Variants in THSD4 observed in about 807,000 individuals in gnomAD.
THSD4 encodes the protein thrombospondin type-1 domain-containing protein 4.
THSD4 carries 69 observed loss-of-function variants against 119.0 expected under a neutral mutation model. The ratio of observed to expected loss-of-function variants is 0.58; its 90% CI spans 0.48 to 0.71. THSD4 has a LOEUF of 0.71. THSD4 is among the 30% of genes least tolerant of loss of function. THSD4 has a pLI of 0.00. For synonymous variants in THSD4, 524 were observed against 540.4 expected, an observed-to-expected ratio of 0.97 and a Z score of 0.42; for missense variants, 1,393 against 1,391.1, an observed-to-expected ratio of 1.00 and a Z score of -0.02.
chr15:71,529,660 T>C lies in THSD4; in HGVS notation c.1152+117837T>C, dbSNP rs151326578. 5.3e-5 allele frequency among the ~76,000 whole-genome samples: 8 copies of C among 152,344 alleles called. No individual in the cohort carries two copies. In the East Asian group the frequency reaches 1.5e-3, roughly 29 times the overall value. ...GAAGAAATAAAAGTAATTTTTTTTCTAAATAGTCAGAAATCCAGAAATTAG... is the reference window on the plus strand; with the variant it reads ...GAAGAAATAAAAGTAATTTTTTTTCCAAATAGTCAGAAATCCAGAAATTAG... On this transcript the variant is annotated intron_variant, in intron 7 of 17. Coordinates refer to ENST00000261862, the MANE Select transcript of THSD4 (RefSeq NM_024817.3).
chr15:71,206,688 T>C (rs547952875), intron 3 of THSD4, among the ~76,000 whole-genome samples: 15 of 152,288 alleles, frequency 9.8e-5, no homozygotes, highest in African/African-American at 3.6e-4. Flanking sequence ...ATTGAAAACA[T>C]TGAGAGCTGT....
intron 6 of THSD4, among the ~76,000 whole-genome samples, chr15:71,275,878 T>C (rs1256607919): frequency 6.6e-6 from 1 of 152,218 alleles, no homozygotes; most frequent in Admixed American, 6.5e-5. Context: ...TCTGCGATGA[T>C]TCTAAGTTTT....
intron 6 of THSD4, among the ~76,000 whole-genome samples, chr15:71,265,160 G>A (rs544151190): frequency 6.6e-6 from 1 of 152,160 alleles, no homozygotes; most frequent in Non-Finnish European, 1.5e-5. Flanking sequence ...AGTGGTGGCT[G>A]GCAAGATGGT....
At chr15:71,378,123 AT>A (rs1254656538) in intron 6 of THSD4, among the ~76,000 whole-genome samples, 1 of 152,096 alleles carries the variant, frequency 6.6e-6, no homozygotes, top group Non-Finnish European at 1.5e-5. Context: ...AGATATCTTT[AT>A]TTTGATTTTT....
chr15:71,363,708 T>A (rs2045922829), intron 6 of THSD4, among the ~76,000 whole-genome samples: 1 of 151,112 alleles, frequency 6.6e-6, no homozygotes, highest in African/African-American at 2.4e-5. Flanking sequence ...CATATAGAGG[T>A]CATCAGGTAT....
chr15:71,713,665 G>A (rs1017351805), intron 8 of THSD4, among the ~76,000 whole-genome samples: 4 of 152,002 alleles, frequency 2.6e-5, no homozygotes, highest in Admixed American at 6.6e-5. Context: ...CCACCAAATC[G>A]GACATCAAAG....
intron 1 of THSD4, among the ~76,000 whole-genome samples, chr15:71,102,976 G>A (rs950845787): frequency 2.0e-5 from 3 of 152,126 alleles, no homozygotes; most frequent in African/African-American, 7.2e-5. Context: ...TTTAAAAAAT[G>A]TTTGGTAATT....
chr15:71,389,810 G>GGTTTT (rs1555408976), intron 6 of THSD4, among the ~76,000 whole-genome samples: 1 of 87,998 alleles, frequency 1.1e-5, no homozygotes, highest in African/African-American at 4.3e-5. Context: ...TTTCTGGGTT[G>GGTTTT]TTTTTTTTTT....
At chr15:71,495,735 TA>T (rs1365418303) in intron 7 of THSD4, among the ~76,000 whole-genome samples, 1 of 152,216 alleles carries the variant, frequency 6.6e-6, no homozygotes, top group Admixed American at 6.5e-5. Flanking sequence ...GGAGAAAGTC[TA>T]AAAACGCTTA....
chr15:71,515,067 T>C (rs1394291233), intron 7 of THSD4, among the ~76,000 whole-genome samples: 1 of 152,216 alleles, frequency 6.6e-6, no homozygotes, highest in Non-Finnish European at 1.5e-5. Flanking sequence ...CTAGGTCAAA[T>C]GGTTTGGACA....
intron 2 of THSD4, among the ~76,000 whole-genome samples, chr15:71,144,293 T>C (rs2040635312): frequency 6.6e-6 from 1 of 152,130 alleles, no homozygotes; most frequent in Non-Finnish European, 1.5e-5. Context: ...GTAAATATAT[T>C]TTTAAGAGAA....
chr15:71,318,967 T>C (rs1443886637), intron 6 of THSD4, among the ~76,000 whole-genome samples: 2 of 152,204 alleles, frequency 1.3e-5, no homozygotes, highest in Admixed American at 1.3e-4. Context: ...AGAGTTTCAG[T>C]TTCCTCAGTT....
intron 7 of THSD4, among the ~76,000 whole-genome samples, chr15:71,585,365 G>C (rs2049644598): frequency 6.6e-6 from 1 of 152,156 alleles, no homozygotes; most frequent in South Asian, 2.1e-4. Context: ...TGACAGGGTT[G>C]GTTGTTTGTT....
intron 1 of THSD4, among the ~76,000 whole-genome samples, chr15:71,123,396 G>C (rs545821101): frequency 6.6e-6 from 1 of 152,326 alleles, no homozygotes; most frequent in East Asian, 1.9e-4. Context: ...GTTTCCTCAT[G>C]TATGAAATGG....
chr15:71,482,239 C>T (rs923617186), intron 7 of THSD4, among the ~76,000 whole-genome samples: 3 of 152,114 alleles, frequency 2.0e-5, no homozygotes, highest in Admixed American at 2.0e-4. Flanking sequence ...CCTGTGGCTC[C>T]AGCCATCATA....
At chr15:71,232,329 C>T (rs185581428) in intron 4 of THSD4, among the ~76,000 whole-genome samples, 3 of 152,120 alleles carry the variant, frequency 2.0e-5, no homozygotes, top group Non-Finnish European at 4.4e-5. Flanking sequence ...TGCTGAGCAA[C>T]GAGGCTCTGG....
chr15:71,127,016 A>G (rs1407277507), intron 1 of THSD4, among the ~76,000 whole-genome samples: 1 of 152,218 alleles, frequency 6.6e-6, no homozygotes, highest in African/African-American at 2.4e-5. Flanking sequence ...GCACTATGCA[A>G]TAGATCTCAA....
At chr15:71,672,552 C>G (rs1048434595) in intron 8 of THSD4, among the ~76,000 whole-genome samples, 2 of 152,194 alleles carry the variant, frequency 1.3e-5, no homozygotes, top group African/African-American at 4.8e-5. Flanking sequence ...GAGAGGGCAT[C>G]CCTGTCTTGT....
At chr15:71,690,191 G>T (rs1417785764) in intron 8 of THSD4, among the ~76,000 whole-genome samples, 2 of 152,210 alleles carry the variant, frequency 1.3e-5, no homozygotes, top group Non-Finnish European at 2.9e-5. Flanking sequence ...TTGTATTGAG[G>T]TTTTGTGATT....
Sources: allele counts gnomAD v4.1 joint callset (sites outside exome capture counted in the v4.1 genomes callset), GRCh38; gene constraint gnomAD v4.1.1; transcripts MANE v1.5; gene names NCBI Gene and HGNC (gene_info 2026-07-23, HGNC 2026-07-21).